MPPED2: variants seen among roughly 807,000 people sequenced by gnomAD.
MPPED2 encodes metallophosphoesterase domain containing 2.
Under a neutral mutation model 33.0 loss-of-function variants are expected in MPPED2, and 5 were observed. That is an observed-to-expected ratio of 0.15 (90% confidence interval 0.08 to 0.32). The LOEUF is 0.32. MPPED2 is among the 10% of genes least tolerant of loss of function. The pLI is 1.00. For synonymous variants in MPPED2, 136 were observed against 141.9 expected (o/e 0.96, Z 0.29); for missense variants, 275 against 372.1 (o/e 0.74, Z 2.15).
At chr11:30,406,679 C>T (rs770168137), downstream of MPPED2, among the ~76,000 whole-genome samples, 1 of 152,126 alleles carries the variant, frequency 6.6e-6, no homozygotes, top group African/African-American at 2.4e-5. Flanking sequence ...AAGCAAACAA[C>T]AACAAAAATG....
At chr11:30,425,476 C>A (rs890745943) in intron 4 of MPPED2, 2 of 152,178 alleles carry the variant, frequency 1.3e-5, no homozygotes, top group African/African-American at 4.8e-5. Flanking sequence ...ATCTTGTAAA[C>A]AAGTTCATAG....
At chr11:30,482,308 T>TA (rs945558946) in intron 4 of MPPED2, among the ~76,000 whole-genome samples, 1 of 152,198 alleles carries the variant, frequency 6.6e-6, no homozygotes, top group African/African-American at 2.4e-5. Context: ...ATATGGCTTT[T>TA]AAAATGCTTA....
At chr11:30,435,564 G>T (rs1243937353) in intron 4 of MPPED2, among the ~76,000 whole-genome samples, 1 of 152,192 alleles carries the variant, frequency 6.6e-6, no homozygotes, top group Admixed American at 6.5e-5. Flanking sequence ...AGAGAAAACT[G>T]TGTTTCAAAA....
intron 4 of MPPED2, among the ~76,000 whole-genome samples, chr11:30,437,668 C>T (rs936650617): frequency 3.3e-5 from 5 of 152,188 alleles, no homozygotes; most frequent in Admixed American, 3.3e-4. Flanking sequence ...TAAAACACCT[C>T]TAGACTCTGT....
chr11:30,568,919 AT>A (rs199942601), intron 2 of MPPED2, among the ~76,000 whole-genome samples: 13 of 151,110 alleles, frequency 8.6e-5, no homozygotes, highest in African/African-American at 2.4e-4. Context: ...AAAAGGGCTC[AT>A]TTTTTTTTGT....
At chr11:30,555,348 A>C (rs903299866) in intron 2 of MPPED2, among the ~76,000 whole-genome samples, 8 of 152,210 alleles carry the variant, frequency 5.3e-5, no homozygotes, top group Admixed American at 2.0e-4. Context: ...CCCAGATATT[A>C]ATATCAAAGT....
At chr11:30,502,130 G>A (rs1355419941) in intron 3 of MPPED2, among the ~76,000 whole-genome samples, 1 of 152,182 alleles carries the variant, frequency 6.6e-6, no homozygotes. Flanking sequence ...TGAAGAAACT[G>A]AGTGCCAGAG....
intron 2 of MPPED2, among the ~76,000 whole-genome samples, chr11:30,547,765 C>T (rs140642229): frequency 4.5e-4 from 68 of 152,262 alleles, no homozygotes; most frequent in African/African-American, 1.5e-3. Flanking sequence ...GTTACAACAA[C>T]TTTCTTGGTT....
chr11:30,440,469 T>C (rs765900759), intron 4 of MPPED2, among the ~76,000 whole-genome samples: 4 of 152,186 alleles, frequency 2.6e-5, no homozygotes, highest in Non-Finnish European at 5.9e-5. Context: ...AAGATATTTA[T>C]TACACCTTCT....
chr11:30,555,725 G>A (rs1955934115), intron 2 of MPPED2, among the ~76,000 whole-genome samples: 1 of 152,158 alleles, frequency 6.6e-6, no homozygotes, highest in South Asian at 2.1e-4. Flanking sequence ...GGAACTGTGA[G>A]TCCATTAAAC....
At chr11:30,398,048 G>A (rs1339967082) in intron 6 of MPPED2, among the ~76,000 whole-genome samples, 1 of 152,066 alleles carries the variant, frequency 6.6e-6, no homozygotes, top group Non-Finnish European at 1.5e-5. Flanking sequence ...AACTGGGATG[G>A]AGATTTGGTA....
intron 4 of MPPED2, among the ~76,000 whole-genome samples, chr11:30,426,885 C>T (rs1259814809): frequency 6.6e-6 from 1 of 152,122 alleles, no homozygotes; most frequent in Non-Finnish European, 1.5e-5. Flanking sequence ...TCCTCCTATA[C>T]ATTCCATAAT....
chr11:30,400,646 T>C (rs1229503676), intron 6 of MPPED2, among the ~76,000 whole-genome samples: 1 of 152,234 alleles, frequency 6.6e-6, no homozygotes, highest in Non-Finnish European at 1.5e-5. Context: ...GAAACTTTAA[T>C]TCCCAAAATT....
Position 30,519,283 on chromosome 11 carries a change from A to G in MPPED2, c.310+16711T>C, listed in dbSNP as rs191322267. On this transcript the variant is annotated intron_variant, in intron 3 of 6. Coordinates refer to ENST00000358117, the MANE Select transcript of MPPED2 (RefSeq NM_001584.3). ...GATCCTGTCTCAAAAGCAAACAAAC[A>G]AACAAAATATATACGTACACACACA... 1.1e-3 allele frequency among the ~76,000 whole-genome samples: 169 copies of G among 152,184 alleles called. 1 individual carries two copies. The highest frequency in any genetic ancestry group is 3.9e-3 in the African/African-American group (163 of 41,500).
chr11:30,540,023 T>A (rs1262179060), intron 2 of MPPED2, among the ~76,000 whole-genome samples: 1 of 152,212 alleles, frequency 6.6e-6, no homozygotes, highest in East Asian at 1.9e-4. Flanking sequence ...TGTTAGAAAG[T>A]TCTGTTTCAG....
chr11:30,451,091 C>T (rs1346897308), intron 4 of MPPED2, among the ~76,000 whole-genome samples: 2 of 152,158 alleles, frequency 1.3e-5, no homozygotes, highest in Admixed American at 1.3e-4. Context: ...TAGCGTCACC[C>T]CTAACTAGCT....
chr11:30,516,292 T>C (rs1003243241), intron 3 of MPPED2, among the ~76,000 whole-genome samples: 2 of 152,206 alleles, frequency 1.3e-5, no homozygotes, highest in Admixed American at 6.5e-5. Context: ...CAGACACTCT[T>C]CTGATGCATC....
intron 4 of MPPED2, among the ~76,000 whole-genome samples, chr11:30,459,715 C>T (rs1950443029): frequency 6.6e-6 from 1 of 152,180 alleles, no homozygotes; most frequent in South Asian, 2.1e-4. Context: ...AACTAATGTC[C>T]TCCTGCTCCC....
chr11:30,462,883 G>T (rs984064128), intron 4 of MPPED2, among the ~76,000 whole-genome samples: 10 of 152,176 alleles, frequency 6.6e-5, no homozygotes, highest in Admixed American at 5.9e-4. Flanking sequence ...GTTTTAAAAG[G>T]CACATATGAA....
Sources: allele counts gnomAD v4.1 joint callset (sites outside exome capture counted in the v4.1 genomes callset), GRCh38; gene constraint gnomAD v4.1.1; transcripts MANE v1.5; gene names NCBI Gene and HGNC (gene_info 2026-07-23, HGNC 2026-07-21).